CNTNAP2: variants seen among roughly 807,000 people sequenced by gnomAD.
CNTNAP2 encodes contactin associated protein 2, also known as contactin-associated protein-like 2.
In CNTNAP2, 98 loss-of-function variants were observed where a neutral mutation model predicts 155.2. The observed-to-expected ratio is 0.63, with a 90% confidence interval of 0.54 to 0.75. The LOEUF (loss-of-function observed/expected upper bound fraction) is 0.75. Among genes scored for constraint, CNTNAP2 ranks in the 30% least tolerant of loss-of-function variants. The probability of loss-of-function intolerance (pLI) is 0.00; values close to 1 mark genes in which losing one functional copy is unlikely to be tolerated. For synonymous variants in CNTNAP2, 651 were observed against 631.2 expected, an observed-to-expected ratio of 1.03 and a Z score of -0.47; for missense variants, 1,727 against 1,688.1, an observed-to-expected ratio of 1.02 and a Z score of -0.40.
At chr7:146,379,980 T>C (rs186095553) in intron 1 of CNTNAP2, among the ~76,000 whole-genome samples, 2 of 152,352 alleles carry the variant, frequency 1.3e-5, no homozygotes, top group Admixed American at 1.3e-4. Context: ...TGTTTTAAAA[T>C]TATGTACAGA....
chr7:146,986,412 C>T (rs969197722), intron 3 of CNTNAP2, among the ~76,000 whole-genome samples: 1 of 148,824 alleles, frequency 6.7e-6, no homozygotes, highest in Non-Finnish European at 1.5e-5. Flanking sequence ...GATTAATGGA[C>T]ATTTGGGTTG....
intron 18 of CNTNAP2, among the ~76,000 whole-genome samples, chr7:148,214,965 T>C (rs1217699556): frequency 6.6e-6 from 1 of 152,200 alleles, no homozygotes; most frequent in Non-Finnish European, 1.5e-5. Flanking sequence ...ATCCCAATCA[T>C]TTTGACAACT....
chr7:147,082,203 A>T (rs569509066), intron 4 of CNTNAP2: 41 of 152,382 alleles, frequency 2.7e-4, no homozygotes, highest in African/African-American at 7.5e-4. Flanking sequence ...TTACAAATTA[A>T]TTGGTACCAC....
chr7:147,207,149 AAC>A (rs1212755621), intron 8 of CNTNAP2, among the ~76,000 whole-genome samples: 1 of 152,220 alleles, frequency 6.6e-6, no homozygotes, highest in Non-Finnish European at 1.5e-5. Flanking sequence ...TGTTGTCAGG[AAC>A]TCTGGAAAAC....
Position 146,456,818 on chromosome 7 carries a change from G to A in CNTNAP2, c.98-317453G>A, listed in dbSNP as rs138610698. Among the ~76,000 whole-genome samples the A allele has an allele frequency of 6.5e-3, 986 of 152,142 alleles. 4 individuals are homozygous for A. The highest frequency in any genetic ancestry group is 9.8e-3 in the Non-Finnish European group (667 of 67,984). On this transcript the variant is annotated intron_variant, in intron 1 of 23. Coordinates refer to ENST00000361727, the MANE Select transcript of CNTNAP2 (RefSeq NM_014141.6). Reference sequence around the variant, plus strand: ...ATTCAGCTGAATGTGGATGATTTATGCTTCTATACATGCAACAGCCCATTT... The same window carrying A: ...ATTCAGCTGAATGTGGATGATTTATACTTCTATACATGCAACAGCCCATTT...
At chr7:148,251,328 G>A (rs1159332132) in intron 20 of CNTNAP2, among the ~76,000 whole-genome samples, 1 of 152,196 alleles carries the variant, frequency 6.6e-6, no homozygotes, top group African/African-American at 2.4e-5. Context: ...CCGGCCAAAG[G>A]GAGAGATGCA....
At chr7:147,935,246 C>A (rs1800584168) in intron 14 of CNTNAP2, among the ~76,000 whole-genome samples, 1 of 152,050 alleles carries the variant, frequency 6.6e-6, no homozygotes, top group Admixed American at 6.5e-5. Context: ...CCTGCCTCAG[C>A]CTCCAGAGTA....
intron 14 of CNTNAP2, among the ~76,000 whole-genome samples, chr7:147,951,982 G>T (rs1227566763): frequency 6.6e-6 from 1 of 151,684 alleles, no homozygotes; most frequent in Admixed American, 6.6e-5. Flanking sequence ...GTTGTTATGA[G>T]AACTCATAGT....
At chr7:148,285,285 T>G (rs573693247) in intron 21 of CNTNAP2, among the ~76,000 whole-genome samples, 46 of 152,376 alleles carry the variant, frequency 3.0e-4, no homozygotes, top group African/African-American at 1.1e-3. Flanking sequence ...GATAATCTTC[T>G]AAAAGAAGTG....
At chr7:146,379,393 G>A (rs147801830) in intron 1 of CNTNAP2, among the ~76,000 whole-genome samples, 1 of 152,282 alleles carries the variant, frequency 6.6e-6, no homozygotes, top group Non-Finnish European at 1.5e-5. Flanking sequence ...AGGTGCATCT[G>A]CGGTCAAATT....
At chr7:147,703,467 A>G (rs1377875145) in intron 13 of CNTNAP2, among the ~76,000 whole-genome samples, 1 of 152,198 alleles carries the variant, frequency 6.6e-6, no homozygotes, top group African/African-American at 2.4e-5. Flanking sequence ...GCTGTTTAGG[A>G]CAACAGATCA....
At chr7:147,497,044 T>C (rs1461679325) in intron 11 of CNTNAP2, 1 of 152,172 alleles carries the variant, frequency 6.6e-6, no homozygotes, top group Admixed American at 6.5e-5. Flanking sequence ...AATGCAGCCG[T>C]TTCCAAGAAA....
intron 1 of CNTNAP2, among the ~76,000 whole-genome samples, chr7:146,335,146 T>A (rs1801253017): frequency 6.6e-6 from 1 of 152,250 alleles, no homozygotes; most frequent in Non-Finnish European, 1.5e-5. Context: ...AGATTTCCAC[T>A]GACTATGCTG....
chr7:147,450,486 A>G (rs193061385), intron 10 of CNTNAP2, among the ~76,000 whole-genome samples: 1 of 152,356 alleles, frequency 6.6e-6, no homozygotes, highest in East Asian at 1.9e-4. Context: ...AACTCAGCCA[A>G]GCTCACATGG....
Position 148,147,422 on chromosome 7 carries a change from C to T in CNTNAP2, c.2555-69C>T, listed in dbSNP as rs1805206179. 3 of 1,470,234 alleles carry T rather than the reference C, an allele frequency of 2.0e-6. No individual in the cohort carries two copies. In the South Asian group the frequency reaches 3.4e-5, roughly 17 times the overall value. The allele number at this position is 1,470,234 out of a possible 1,614,324, so 91.1% of individuals were successfully genotyped here. A position where few individuals can be genotyped will look rare whatever the true frequency, so the allele number is the denominator to read the frequency against. The stretch of plus-strand genomic sequence containing the variant: ...TTCCTCTCCCTGCTTTGTTTGTCGT[C>T]TAGAATTTACTGCTATTTGGTATCT... On this transcript the variant is annotated intron_variant, in intron 16 of 23. Coordinates refer to ENST00000361727, the MANE Select transcript of CNTNAP2 (RefSeq NM_014141.6).
chr7:148,321,218 A>C (rs1186922133), intron 21 of CNTNAP2, among the ~76,000 whole-genome samples: 1 of 152,134 alleles, frequency 6.6e-6, no homozygotes, highest in African/African-American at 2.4e-5. Context: ...TTTTTTTCAA[A>C]CAGTGGAGTA....
chr7:147,123,994 A>G (rs1021384734), intron 6 of CNTNAP2, among the ~76,000 whole-genome samples: 2 of 152,210 alleles, frequency 1.3e-5, no homozygotes, highest in Non-Finnish European at 2.9e-5. Flanking sequence ...GTGAGCCAAA[A>G]TCATGCCATT....
intron 12 of CNTNAP2, among the ~76,000 whole-genome samples, chr7:147,617,545 A>G (rs1266147121): frequency 3.3e-5 from 5 of 152,138 alleles, no homozygotes; most frequent in Admixed American, 6.6e-5. Flanking sequence ...GTATCTGCAT[A>G]TTGCCCCTCC....
rs970683961 is a variant in CNTNAP2 at position 147,041,376 on chromosome 7, AT to A, written c.403-2523del. On this transcript the variant is annotated intron_variant, in intron 3 of 23. Coordinates refer to ENST00000361727, the MANE Select transcript of CNTNAP2 (RefSeq NM_014141.6). ...GAGACATACAGGGGAAAGGAAAAGT[AT>A]TTTTTTTAAGTCCTAGAGAGGCTAC... 3.9e-5 allele frequency among the ~76,000 whole-genome samples: 6 copies of A among 152,032 alleles called. 1 individual carries two copies. Among genetic ancestry groups the A allele is most frequent in the African/African-American group, 1.2e-4 (5 of 41,398 alleles).
Sources: allele counts gnomAD v4.1 joint callset (sites outside exome capture counted in the v4.1 genomes callset), GRCh38; gene constraint gnomAD v4.1.1; transcripts MANE v1.5; gene names NCBI Gene and HGNC (gene_info 2026-07-23, HGNC 2026-07-21).